Variants in CSRNP3 observed in about 807,000 individuals in gnomAD.
CSRNP3 encodes the protein cysteine/serine-rich nuclear protein 3.
CSRNP3 carries 12 observed loss-of-function variants against 48.0 expected under a neutral mutation model. The ratio of observed to expected loss-of-function variants is 0.25; its 90% CI spans 0.16 to 0.41. CSRNP3 has a LOEUF of 0.41. Ranked by LOEUF, CSRNP3 falls within the 10% of genes least tolerant of loss-of-function variation. CSRNP3 has a pLI of 1.00. For missense variants in CSRNP3, 580 were observed against 724.4 expected (o/e 0.80, Z 2.29); for synonymous variants, 263 against 269.7 (o/e 0.98, Z 0.24).
At position 165,657,142 on chromosome 2, in the gene CSRNP3, A is replaced by G. The variant is rs188621794; in HGVS notation, c.149-619A>G. 6.2e-4 allele frequency among the ~76,000 whole-genome samples: 94 copies of G among 152,274 alleles called. No homozygotes were observed. The East Asian group carries it at 0.016, about 26-fold the overall frequency. On this transcript the variant is annotated intron_variant, in intron 4 of 6. Transcript: ENST00000651982. ...TTTGTCCAGCACATCAGTGCTGTCT[A>G]TGCTACTGGCCCATTAGTTACATAG...
intron 3 of CSRNP3, among the ~76,000 whole-genome samples, chr2:165,556,665 A>G (rs1024153153): frequency 3.3e-5 from 5 of 152,220 alleles, no homozygotes; most frequent in African/African-American, 1.2e-4. Flanking sequence ...AAAAATAAGA[A>G]AAAGAAAATC....
At chr2:165,485,524 G>C (rs1008470834) in intron 1 of CSRNP3, among the ~76,000 whole-genome samples, 8 of 152,132 alleles carry the variant, frequency 5.3e-5, no homozygotes, top group Non-Finnish European at 1.0e-4. Flanking sequence ...TAAAGGTTAC[G>C]TTAGGTCTAT....
chr2:165,505,482 A>G (rs1684413785), intron 2 of CSRNP3, among the ~76,000 whole-genome samples: 1 of 152,146 alleles, frequency 6.6e-6, no homozygotes, highest in Admixed American at 6.6e-5. Context: ...AAATAGAACA[A>G]CACTGCTCTG....
chr2:165,679,105 C>A lies in CSRNP3; in HGVS notation c.1110C>A (p.Asp370Glu). 1 of 1,612,270 alleles carries A rather than the reference C, an allele frequency of 6.2e-7. No individual in the cohort carries two copies. The highest frequency in any genetic ancestry group is 1.3e-5 in the African/African-American group (1 of 74,636). ...STQSLAPSES[D>E]EEEEEEEEEE... is the part of the protein sequence containing the mutation. ...AAAGCTTGGCACCTAGTGAGTCAGACGAGGAGGAGGAGGAAGAAGAAGAGG... is the reference window on the plus strand; with the variant it reads ...AAAGCTTGGCACCTAGTGAGTCAGAAGAGGAGGAGGAGGAAGAAGAAGAGG... The change falls in exon 7 of 7, where the codon GAC becomes GAA. Residue 370 changes from aspartate (D) to glutamate (E), a missense_variant. Around this residue, in one of 4 missense-constraint regions of CSRNP3, gnomAD observed 369 missense variants for 380.8 expected, o/e 0.97. Coordinates refer to ENST00000651982, the MANE Select transcript of CSRNP3 (RefSeq NM_001172173.2).
chr2:165,609,914 C>A (rs769372343), intron 4 of CSRNP3, among the ~76,000 whole-genome samples: 1 of 152,136 alleles, frequency 6.6e-6, no homozygotes, highest in Admixed American at 6.5e-5. Context: ...GAATCACAGC[C>A]GCTATGGAAG....
chr2:165,629,145 C>T (rs1686489179), intron 4 of CSRNP3, among the ~76,000 whole-genome samples: 1 of 152,154 alleles, frequency 6.6e-6, no homozygotes, highest in South Asian at 2.1e-4. Context: ...TGACTGCTGC[C>T]GGCAATTCTG....
chr2:165,494,252 A>T (rs1684257183), intron 1 of CSRNP3, among the ~76,000 whole-genome samples: 1 of 152,112 alleles, frequency 6.6e-6, no homozygotes, highest in African/African-American at 2.4e-5. Flanking sequence ...CGCCATTCCT[A>T]GCAACCAATT....
At chr2:165,513,216 T>C (rs567325507) in intron 2 of CSRNP3, among the ~76,000 whole-genome samples, 13 of 152,346 alleles carry the variant, frequency 8.5e-5, no homozygotes, top group African/African-American at 2.9e-4. Flanking sequence ...GAGTAAATGA[T>C]GCTTGTGCTG....
intron 4 of CSRNP3, among the ~76,000 whole-genome samples, chr2:165,652,789 C>T (rs1297443544): frequency 6.6e-6 from 1 of 152,088 alleles, no homozygotes; most frequent in African/African-American, 2.4e-5. Flanking sequence ...AGGGATCCAC[C>T]TGCCTCAGCC....
intron 4 of CSRNP3, among the ~76,000 whole-genome samples, chr2:165,612,819 T>A (rs1418431664): frequency 1.3e-5 from 2 of 152,054 alleles, no homozygotes; most frequent in East Asian, 3.8e-4. Flanking sequence ...TCTTTATCCA[T>A]TCATCTGTTG....
rs956827064 is a variant in CSRNP3 at position 165,651,168 on chromosome 2, A to G, written c.149-6593A>G. 3.9e-5 allele frequency among the ~76,000 whole-genome samples: 6 copies of G among 152,266 alleles called. No homozygotes were observed. The East Asian group carries it at 1.2e-3, about 29-fold the overall frequency. On this transcript the variant is annotated intron_variant, in intron 4 of 6. Transcript: ENST00000651982. ...CCCAGATATATGATTATCTGTGTGC[A>G]TGCAGAGATGGCCAAACTCAAGTGG...
chr2:165,528,080 A>G (rs1286772391), intron 3 of CSRNP3, among the ~76,000 whole-genome samples: 1 of 152,202 alleles, frequency 6.6e-6, no homozygotes. Context: ...TTATGTCTAT[A>G]AATTAGCAAA....
intron 4 of CSRNP3, among the ~76,000 whole-genome samples, chr2:165,611,502 T>C (rs374678279): frequency 2.0e-5 from 3 of 152,262 alleles, no homozygotes; most frequent in African/African-American, 7.2e-5. Flanking sequence ...CAATTTCTAC[T>C]GTACCAGATA....
chr2:165,548,408 T>C (rs1685057869), intron 3 of CSRNP3, among the ~76,000 whole-genome samples: 1 of 152,086 alleles, frequency 6.6e-6, no homozygotes, highest in Non-Finnish European at 1.5e-5. Flanking sequence ...TAAATGGCAA[T>C]ACTACTATCT....
intron 3 of CSRNP3, among the ~76,000 whole-genome samples, chr2:165,551,827 T>C (rs2105260504): frequency 6.6e-6 from 1 of 152,194 alleles, no homozygotes; most frequent in East Asian, 1.9e-4. Context: ...ATTTAGGCTG[T>C]GATGTCAACC....
At chr2:165,595,884 C>G (rs1026654958) in intron 4 of CSRNP3, among the ~76,000 whole-genome samples, 3 of 152,188 alleles carry the variant, frequency 2.0e-5, no homozygotes, top group African/African-American at 7.2e-5. Flanking sequence ...GCAACCCCCT[C>G]CTCCCAAGTT....
chr2:165,560,629 A>G (rs1295096288), intron 3 of CSRNP3, among the ~76,000 whole-genome samples: 1 of 152,186 alleles, frequency 6.6e-6, no homozygotes, highest in Non-Finnish European at 1.5e-5. Flanking sequence ...AGGAAGCATA[A>G]CTGCAGTTTT....
intron 4 of CSRNP3, among the ~76,000 whole-genome samples, chr2:165,605,499 T>C (rs937938329): frequency 1.3e-5 from 2 of 152,090 alleles, no homozygotes; most frequent in African/African-American, 4.8e-5. Flanking sequence ...GAAGCTGCTT[T>C]CAAATAACCC....
intron 3 of CSRNP3, among the ~76,000 whole-genome samples, chr2:165,526,650 A>G (rs1224104777): frequency 6.6e-6 from 1 of 152,226 alleles, no homozygotes; most frequent in African/African-American, 2.4e-5. Context: ...CCTACTGTCC[A>G]ATTATCTGTG....
Sources: allele counts gnomAD v4.1 joint callset (sites outside exome capture counted in the v4.1 genomes callset), GRCh38; gene constraint gnomAD v4.1.1; regional missense constraint gnomAD v4.1.1; transcripts MANE v1.5; gene names NCBI Gene and HGNC (gene_info 2026-07-23, HGNC 2026-07-21).